Variants in VGLL4 observed in about 807,000 individuals in gnomAD.
VGLL4 encodes vestigial like family member 4.
A neutral mutation model predicts 21.0 loss-of-function variants in VGLL4; 7 were observed. The observed-to-expected ratio is 0.33, with a 90% CI of 0.19 to 0.63. The LOEUF is 0.63. Among genes scored for constraint, VGLL4 ranks in the 20% least tolerant of loss-of-function variants. The pLI, the probability that VGLL4 is intolerant of heterozygous loss-of-function variation, is 0.78. For missense variants in VGLL4, 394 were observed against 425.7 expected, an observed-to-expected ratio of 0.93 and a Z score of 0.66; for synonymous variants, 222 against 173.2, an observed-to-expected ratio of 1.28 and a Z score of -2.21.
intron 1 of VGLL4, among the ~76,000 whole-genome samples, chr3:11,626,823 CA>C (rs997140113): frequency 7.2e-5 from 11 of 152,160 alleles, no homozygotes; most frequent in Admixed American, 2.6e-4. Flanking sequence ...AAAAGTGTCT[CA>C]GCCCTCTAAA....
chr3:11,673,535 G>T (rs1248094200), intron 2 of VGLL4, among the ~76,000 whole-genome samples: 1 of 152,154 alleles, frequency 6.6e-6, no homozygotes, highest in African/African-American at 2.4e-5. Context: ...TATATCAGTG[G>T]AATCTAAGAA....
At chr3:11,676,940 T>TA in intron 2 of VGLL4, among the ~76,000 whole-genome samples, 1 of 152,122 alleles carries the variant, frequency 6.6e-6, no homozygotes, top group Non-Finnish European at 1.5e-5. Context: ...TTTTTTGATA[T>TA]AAAAAAATTT....
chr3:11,692,202 T>A (rs1420248713), intron 2 of VGLL4, among the ~76,000 whole-genome samples: 2 of 152,204 alleles, frequency 1.3e-5, no homozygotes, highest in Non-Finnish European at 2.9e-5. Flanking sequence ...CAGCATCCAT[T>A]ATGCTAATTA....
intron 1 of VGLL4, among the ~76,000 whole-genome samples, chr3:11,623,961 C>G (rs746734561): frequency 6.6e-6 from 1 of 151,928 alleles, no homozygotes; most frequent in Non-Finnish European, 1.5e-5. Context: ...AGGCTGGTCT[C>G]GAACTCCTGG....
At chr3:11,598,428 C>T (rs968265000) in intron 2 of VGLL4, among the ~76,000 whole-genome samples, 3 of 152,146 alleles carry the variant, frequency 2.0e-5, no homozygotes, top group Non-Finnish European at 2.9e-5. Context: ...CCAAACCGTG[C>T]ACCTTTCAGG....
intron 1 of VGLL4, among the ~76,000 whole-genome samples, chr3:11,603,034 G>T (rs1429547569): frequency 6.6e-6 from 1 of 152,180 alleles, no homozygotes; most frequent in Non-Finnish European, 1.5e-5. Context: ...GTAATACGAG[G>T]ATAAAGTCAA....
intron 1 of VGLL4, among the ~76,000 whole-genome samples, chr3:11,709,435 TAAAAAA>T (rs58100629): frequency 7.4e-5 from 8 of 108,836 alleles, no homozygotes; most frequent in African/African-American, 2.3e-4. Context: ...AGACTCCGTC[TAAAAAA>T]AAAAAAAAAA....
chr3:11,611,346 G>C (rs550406567), intron 1 of VGLL4, among the ~76,000 whole-genome samples: 28 of 152,276 alleles, frequency 1.8e-4, no homozygotes, highest in African/African-American at 6.5e-4. Flanking sequence ...ACACATTGCA[G>C]AAAGGCCACC....
chr3:11,586,169 A>G (rs751999203), intron 2 of VGLL4, among the ~76,000 whole-genome samples: 16 of 152,402 alleles, frequency 1.0e-4, no homozygotes, highest in Non-Finnish European at 2.2e-4. Flanking sequence ...ACTGAATATG[A>G]AAAGATGATG....
rs150204331 is a variant in VGLL4 at position 11,660,094 on chromosome 3, G to A, written c.64+42877C>T. Among the ~76,000 whole-genome samples, 365 of 151,942 alleles carry A rather than the reference G, an allele frequency of 2.4e-3. 3 individuals are homozygous for A. Among genetic ancestry groups the A allele is most frequent in the African/African-American group, 8.2e-3 (338 of 41,444 alleles). On this transcript the variant is annotated intron_variant, in intron 2 of 5. Coordinates refer to the VGLL4 transcript ENST00000273038. ...GGAGAATGGTGTGAACCCGGGAGGC[G>A]GAGCTTGCAGTGAGTGGAGATCGCG... is the stretch of plus-strand genomic sequence containing the variant.
chr3:11,717,731 TG>T (rs1253504283), intron 1 of VGLL4, among the ~76,000 whole-genome samples: 1 of 152,116 alleles, frequency 6.6e-6, no homozygotes. Flanking sequence ...TTAAATCAGT[TG>T]GGGGATAGCA....
At chr3:11,702,455 C>CAAAAAAA (rs56189603) in intron 2 of VGLL4, among the ~76,000 whole-genome samples, 709 of 95,556 alleles carry the variant, frequency 7.4e-3, no homozygotes, top group African/African-American at 0.016. Flanking sequence ...ACTAAAAATA[C>CAAAAAAA]AAAAAAAAAA....
chr3:11,702,926 A>T (rs370040562), intron 2 of VGLL4: 364 of 1,554,818 alleles, frequency 2.3e-4, no homozygotes, highest in Non-Finnish European at 3.1e-4. Flanking sequence ...AAGACAAGGG[A>T]TCATTAAAGC....
rs376880706 is a variant in VGLL4, at chr3:11,565,624, G to A, written c.273-605C>T. ...TGGTGGCACGTGCTCTGGGGTTCCC[G>A]GGGTGCTGTAGGGAGCCGGCGCGCA... On this transcript the variant is annotated intron_variant, in intron 2 of 4. Coordinates refer to ENST00000430365, the MANE Select transcript of VGLL4 (RefSeq NM_001128219.3). This position sits in a 1 kb window ranked among gnomAD's most constrained non-coding sequence, Gnocchi z 4.1. Among the ~76,000 whole-genome samples the A allele has an allele frequency of 2.6e-5, 4 of 152,192 alleles. No individual in the cohort carries two copies. The highest frequency in any genetic ancestry group is 6.5e-5 in the Admixed American group (1 of 15,280).
Position 11,564,801 on chromosome 3 carries a change from T to C in VGLL4, c.491A>G (p.Gln164Arg). Residue 164 changes from glutamine to arginine, a missense_variant, in exon 3 of 5, where the codon CAG becomes CGG. Gln to Arg is a conservative substitution (Grantham distance 43, BLOSUM62 1). Coordinates refer to ENST00000430365, the MANE Select transcript of VGLL4 (RefSeq NM_001128219.3). ...LSPTLTPGER[Q>R]QNRPSVITCA... is the part of the protein sequence containing the mutation. Reference sequence around the variant, plus strand: ...CCCTCCCAGACAGAGGCCCACCTGCTGCCGCTCCCCCGGGGTCAGTGTGGG... The same window carrying C: ...CCCTCCCAGACAGAGGCCCACCTGCCGCCGCTCCCCCGGGGTCAGTGTGGG... 6.5e-7 allele frequency: 1 copy of C among 1,549,672 alleles called. No individual in the cohort carries two copies. The highest frequency in any genetic ancestry group is 8.7e-7 in the Non-Finnish European group (1 of 1,151,024).
At chr3:11,566,242 C>A (rs948113900) in intron 2 of VGLL4, among the ~76,000 whole-genome samples, 1 of 152,190 alleles carries the variant, frequency 6.6e-6, no homozygotes, top group Non-Finnish European at 1.5e-5. Context: ...CACACACACA[C>A]GCATGTGATA....
chr3:11,690,622 C>A (rs1023792396), intron 2 of VGLL4, among the ~76,000 whole-genome samples: 1 of 151,640 alleles, frequency 6.6e-6, no homozygotes, highest in Non-Finnish European at 1.5e-5. Flanking sequence ...AAAGAAAAGA[C>A]GTTTAAGCAA....
intron 2 of VGLL4, among the ~76,000 whole-genome samples, chr3:11,566,339 G>A (rs1043088785): frequency 1.3e-5 from 2 of 152,174 alleles, no homozygotes; most frequent in East Asian, 1.9e-4. Context: ...TGACTCCCGC[G>A]ATGGTGACAT....
At chr3:11,667,804 T>C (rs2076148046) in intron 2 of VGLL4, among the ~76,000 whole-genome samples, 1 of 151,730 alleles carries the variant, frequency 6.6e-6, no homozygotes, top group Non-Finnish European at 1.5e-5. Flanking sequence ...AGAACCTTTC[T>C]GACTCATTTC....
Sources: allele counts gnomAD v4.1 joint callset (sites outside exome capture counted in the v4.1 genomes callset), GRCh38; gene constraint gnomAD v4.1.1; non-coding constraint Gnocchi (gnomAD v3.1); transcripts MANE v1.5; gene names NCBI Gene and HGNC (gene_info 2026-07-23, HGNC 2026-07-21).